The following POMGNT2 variants were observed in gnomAD, a reference collection of about 807,000 sequenced individuals.
POMGNT2 encodes the protein protein O-linked-mannose beta-1,4-N-acetylglucosaminyltransferase 2.
Under a neutral mutation model 37.8 loss-of-function variants are expected in POMGNT2, and 32 were observed. That is an observed-to-expected ratio of 0.85 (90% CI 0.64 to 1.14). POMGNT2 has a LOEUF of 1.14. POMGNT2 is among the 50% of genes most tolerant of loss of function. The probability of loss-of-function intolerance (pLI) is 0.00; values close to 1 mark genes in which losing one functional copy is unlikely to be tolerated. For synonymous variants in POMGNT2, 340 were observed against 336.8 expected (o/e 1.01, Z -0.10); for missense variants, 705 against 780.6 (o/e 0.90, Z 1.15).
chr3:43,083,358 T>G (rs1292510993), intron 1 of POMGNT2, among the ~76,000 whole-genome samples: 2 of 152,246 alleles, frequency 1.3e-5, no homozygotes, highest in Non-Finnish European at 2.9e-5. Context: ...CAAGCCTGGC[T>G]GATTACTGGA....
rs761158868 is a variant in POMGNT2, at chr3:43,081,106, G to A, written c.326C>T (p.Ser109Phe). ...GAGCAGGGCTGGCTGGAAGCGCCGG[G>A]AGCCCAGGTTGGGCAGCATGACAGA... is the stretch of plus-strand genomic sequence containing the variant. Reference protein sequence around the residue: ...NTSVMLPNLGSRRFQPALLDL... With the variant: ...NTSVMLPNLGFRRFQPALLDL... The change falls in exon 2 of 2, where the codon TCC becomes TTC. Residue 109 changes from serine to phenylalanine, a missense_variant. Coordinates refer to ENST00000344697, the MANE Select transcript of POMGNT2 (RefSeq NM_032806.6). The A allele has an allele frequency of 1.9e-6, 3 of 1,614,122 alleles. No homozygotes were observed. The highest frequency in any genetic ancestry group is 1.3e-5 in the African/African-American group (1 of 74,952).
chr3:43,086,260 A>G (rs2089897434), intron 1 of POMGNT2, among the ~76,000 whole-genome samples: 1 of 152,228 alleles, frequency 6.6e-6, no homozygotes, highest in African/African-American at 2.4e-5. Flanking sequence ...TCTTCTGTAT[A>G]TAAATTAGAG....
At position 43,092,949 on chromosome 3, in the gene POMGNT2, G is replaced by A. The variant is rs141723517; in HGVS notation, c.-105-11413C>T. On this transcript the variant is annotated intron_variant, in intron 1 of 1. Coordinates refer to ENST00000344697, the MANE Select transcript of POMGNT2 (RefSeq NM_032806.6). ...TATGAGCTGATGCACATTTTGCCCG[G>A]ATCAAAGAATAGCTTCCAACAGAAG... is the stretch of plus-strand genomic sequence containing the variant. Among the ~76,000 whole-genome samples the A allele has an allele frequency of 1.3e-3, 199 of 152,310 alleles. 3 individuals are homozygous for A. The highest frequency in any genetic ancestry group is 5.9e-3 in the Admixed American group (91 of 15,306).
chr3:43,079,766 A>AG lies in POMGNT2; in HGVS notation c.1665dup (p.Tyr556LeufsTer48). ...AAGATGCAGCGGACCCACACCAGGTAGGTGGTGAAGGGCTTGATGTTCTCA... is the reference window on the plus strand; with the variant it reads ...AAGATGCAGCGGACCCACACCAGGTAGGGTGGTGAAGGGCTTGATGTTCTCA... On this transcript the variant is annotated frameshift_variant, in exon 2 of 2. Coordinates refer to ENST00000344697, the MANE Select transcript of POMGNT2 (RefSeq NM_032806.6). LOFTEE classifies it high-confidence loss of function. 3 of 1,614,184 alleles carry AG rather than the reference A, an allele frequency of 1.9e-6. No homozygotes were observed. Among genetic ancestry groups the AG allele is most frequent in the Non-Finnish European group, 2.5e-6 (3 of 1,180,040 alleles).
chr3:43,092,691 A>C (rs1243164753), intron 1 of POMGNT2, among the ~76,000 whole-genome samples: 1 of 152,252 alleles, frequency 6.6e-6, no homozygotes, highest in Non-Finnish European at 1.5e-5. Context: ...AGACAGACAG[A>C]ACCCGACAGG....
chr3:43,104,488 C>A (rs533431723), intron 1 of POMGNT2, among the ~76,000 whole-genome samples: 11 of 152,226 alleles, frequency 7.2e-5, no homozygotes, highest in Non-Finnish European at 1.5e-4. Context: ...GCACCATGCC[C>A]TCCTTTCTGC....
In POMGNT2 at chr3:43,080,726, G is replaced by A. The variant is rs2089843804; in HGVS notation, c.706C>T (p.Leu236Phe). The change falls in exon 2 of 2, where the codon CTC becomes TTC. Residue 236 changes from leucine to phenylalanine, a missense_variant. Physicochemically the swap from Leu to Phe is conservative, Grantham distance 22. Coordinates refer to ENST00000344697, the MANE Select transcript of POMGNT2 (RefSeq NM_032806.6). ...TGGTACCAGGTAGTGATCTTGGAGAGGCCCACAAAAGCATGGGAGAAGCAC... is the reference window on the plus strand; with the variant it reads ...TGGTACCAGGTAGTGATCTTGGAGAAGCCCACAAAAGCATGGGAGAAGCAC... ...LLCFSHAFVGLSKITTWYQYG... is the reference protein window; with the variant it reads ...LLCFSHAFVGFSKITTWYQYG... 1 of 1,614,130 alleles carries A rather than the reference G, an allele frequency of 6.2e-7. No homozygotes were observed. The highest frequency in any genetic ancestry group is 1.3e-5 in the African/African-American group (1 of 75,046).
chr3:43,105,397 G>A (rs1002629433), intron 1 of POMGNT2, among the ~76,000 whole-genome samples: 1 of 152,188 alleles, frequency 6.6e-6, no homozygotes, highest in Non-Finnish European at 1.5e-5. Context: ...AGGCAGTTGG[G>A]GAGGCCCAGG....
intron 1 of POMGNT2, among the ~76,000 whole-genome samples, chr3:43,085,710 G>A (rs1198036430): frequency 5.3e-5 from 8 of 152,256 alleles, no homozygotes; most frequent in African/African-American, 1.9e-4. Context: ...AAACTGAGGG[G>A]TGGAGGAGGA....
rs775636761 is a variant in POMGNT2 at position 43,080,016 on chromosome 3, C to T, written c.1416G>A (p.Arg472=). The change falls in exon 2 of 2, where the codon CGG becomes CGA. Residue 472 remains arginine (R), a synonymous_variant. Coordinates refer to ENST00000344697, the MANE Select transcript of POMGNT2 (RefSeq NM_032806.6). ...RRVVKGRPGP[R]KQKWTVGLYP... ...ATAGGCCGACTGTCCACTTCTGCTT[C>T]CGTGGTCCTGGCCGGCCCTTCACCA... is the stretch of plus-strand genomic sequence containing the variant. 8 of 1,613,812 alleles carry T rather than the reference C, an allele frequency of 5.0e-6. No homozygotes were observed. The South Asian group carries it at 5.5e-5, about 11-fold the overall frequency.
intron 1 of POMGNT2, among the ~76,000 whole-genome samples, chr3:43,097,091 T>G (rs1269993962): frequency 6.6e-6 from 1 of 152,160 alleles, no homozygotes; most frequent in East Asian, 1.9e-4. Flanking sequence ...AGGCTGTACT[T>G]CTGGGGGCCC....
intron 1 of POMGNT2, among the ~76,000 whole-genome samples, chr3:43,091,610 G>A (rs1559418513): frequency 6.6e-6 from 1 of 152,204 alleles, no homozygotes; most frequent in Non-Finnish European, 1.5e-5. Flanking sequence ...TATTTGCATA[G>A]TCTCAAAGAT....
At chr3:43,087,055 G>A (rs181291995) in intron 1 of POMGNT2, among the ~76,000 whole-genome samples, 1 of 152,288 alleles carries the variant, frequency 6.6e-6, no homozygotes, top group East Asian at 1.9e-4. Context: ...CTGGAGTGAT[G>A]TAGTTATAAG....
intron 1 of POMGNT2, among the ~76,000 whole-genome samples, chr3:43,089,248 C>T (rs939897209): frequency 6.6e-6 from 1 of 152,216 alleles, no homozygotes; most frequent in African/African-American, 2.4e-5. Flanking sequence ...AAGTACCAGA[C>T]CCCTCCTGAG....
At chr3:43,087,748 G>C (rs1367133030) in intron 1 of POMGNT2, 1 of 152,234 alleles carries the variant, frequency 6.6e-6, no homozygotes, top group African/African-American at 2.4e-5. Context: ...TGATCAATCA[G>C]TAGCTATCAC....
intron 1 of POMGNT2, among the ~76,000 whole-genome samples, chr3:43,085,318 G>A (rs2089888906): frequency 2.0e-5 from 3 of 152,142 alleles, no homozygotes; most frequent in South Asian, 2.1e-4. Context: ...ATCTGATATG[G>A]TTTGGCTCTG....
At chr3:43,103,053 CATACTAGTGTGATAATTT>C (rs1479626434) in intron 1 of POMGNT2, among the ~76,000 whole-genome samples, 2 of 152,108 alleles carry the variant, frequency 1.3e-5, no homozygotes, top group Non-Finnish European at 2.9e-5. Context: ...GTCTAAGTAA[CATACTAGTGTGATAATTT>C]ATCCCATGTG....
intron 1 of POMGNT2, among the ~76,000 whole-genome samples, chr3:43,089,476 T>C: frequency 6.6e-6 from 1 of 152,174 alleles, no homozygotes; most frequent in East Asian, 1.9e-4. Context: ...ATCAAGGAGT[T>C]TGAACTGTAT....
chr3:43,086,786 G>C (rs2089900777), intron 1 of POMGNT2, among the ~76,000 whole-genome samples: 1 of 152,186 alleles, frequency 6.6e-6, no homozygotes, highest in South Asian at 2.1e-4. Flanking sequence ...GCTAAGCCAG[G>C]ATACAAAGGA....
Sources: gnomAD v4.1 joint callset for allele counts (sites outside exome capture counted in the v4.1 genomes callset) on GRCh38, gnomAD v4.1.1 for gene constraint, MANE v1.5 for transcripts, NCBI Gene and HGNC (gene_info 2026-07-23, HGNC 2026-07-21) for gene names.